THSD4: variants seen among roughly 807,000 people sequenced by gnomAD.
The protein encoded by THSD4 is thrombospondin type-1 domain-containing protein 4.
Under a neutral mutation model 119.0 loss-of-function variants are expected in THSD4, and 69 were observed. The observed-to-expected ratio is 0.58, with a 90% CI of 0.48 to 0.71. THSD4 has a LOEUF of 0.71. THSD4 is among the 30% of genes least tolerant of loss of function. The probability of loss-of-function intolerance (pLI) is 0.00; values close to 1 mark genes in which losing one functional copy is unlikely to be tolerated. For synonymous variants in THSD4, 524 were observed against 540.4 expected, an observed-to-expected ratio of 0.97 and a Z score of 0.42; for missense variants, 1,393 against 1,391.1, an observed-to-expected ratio of 1.00 and a Z score of -0.02.
At chr15:71,732,883 A>G (rs1172737833) in intron 10 of THSD4, 1 of 152,190 alleles carries the variant, frequency 6.6e-6, no homozygotes, top group Non-Finnish European at 1.5e-5. Flanking sequence ...TTTGGACGGG[A>G]TAACCAGGTT....
chr15:71,648,854 T>A (rs1165646951), intron 7 of THSD4, among the ~76,000 whole-genome samples: 1 of 152,338 alleles, frequency 6.6e-6, no homozygotes, highest in Non-Finnish European at 1.5e-5. Flanking sequence ...TCATGCCAGT[T>A]CTGAATTAGG....
chr15:71,350,932 C>G (rs371010027), intron 6 of THSD4, among the ~76,000 whole-genome samples: 2 of 152,178 alleles, frequency 1.3e-5, no homozygotes, highest in African/African-American at 4.8e-5. Flanking sequence ...TTAAGCTGAC[C>G]TGATACATGA....
intron 6 of THSD4, among the ~76,000 whole-genome samples, chr15:71,401,442 T>G (rs1475720234): frequency 6.6e-6 from 1 of 152,218 alleles, no homozygotes; most frequent in African/African-American, 2.4e-5. Flanking sequence ...TAGAGTCAAA[T>G]AGTTCTAAAA....
At chr15:71,630,693 G>A (rs929021002) in intron 7 of THSD4, among the ~76,000 whole-genome samples, 2 of 152,166 alleles carry the variant, frequency 1.3e-5, no homozygotes, top group African/African-American at 4.8e-5. Flanking sequence ...AAAGACTAAG[G>A]CCCTTCCAGG....
intron 6 of THSD4, among the ~76,000 whole-genome samples, chr15:71,292,689 T>C (rs933417045): frequency 6.0e-5 from 9 of 151,012 alleles, no homozygotes; most frequent in Non-Finnish European, 1.2e-4. Context: ...TTTTTTTTTT[T>C]TTTTTGAGAC....
In THSD4 at chr15:71,434,461, T is replaced by TA. The variant is rs1566981215; in HGVS notation, c.1152+22638_1152+22639insA. Reference sequence around the variant, plus strand: ...TTTTTTTTTTTTTTTTTTTTTTTTTTTAATTTCTGAAGGGGTTTAAGGATT... The same window carrying TA: ...TTTTTTTTTTTTTTTTTTTTTTTTTTATAATTTCTGAAGGGGTTTAAGGATT... On this transcript the variant is annotated intron_variant, in intron 7 of 17. Coordinates refer to ENST00000261862, the MANE Select transcript of THSD4 (RefSeq NM_024817.3). Among the ~76,000 whole-genome samples the TA allele has an allele frequency of 2.0e-4, 15 of 74,346 alleles. 1 individual carries two copies. The highest frequency in any genetic ancestry group is 9.6e-4 in the East Asian group (1 of 1,040). 48.8% of individuals were successfully genotyped at this position (74,346 alleles called of 152,430 possible).
rs2047108693 is a variant in THSD4 at position 71,442,350 on chromosome 15, C to T, written c.1152+30527C>T. Among the ~76,000 whole-genome samples the T allele has an allele frequency of 2.0e-5, 3 of 151,496 alleles. No individual in the cohort carries two copies. The South Asian group carries it at 6.3e-4, about 32-fold the overall frequency. ...TTGGGAGGCCAAGCCAGGCAGATCA[C>T]CTGAGGTCAGGAGTTCAAGACCAGC... is the stretch of plus-strand genomic sequence containing the variant. On this transcript the variant is annotated intron_variant, in intron 7 of 17. Coordinates refer to ENST00000261862, the MANE Select transcript of THSD4 (RefSeq NM_024817.3).
At chr15:71,125,331 C>G (rs1272400407) in intron 1 of THSD4, among the ~76,000 whole-genome samples, 2 of 152,060 alleles carry the variant, frequency 1.3e-5, no homozygotes, top group Admixed American at 6.5e-5. Context: ...ATAGACGGAG[C>G]ACCAAGGCTT....
At chr15:71,359,624 A>G (rs1181982583) in intron 6 of THSD4, among the ~76,000 whole-genome samples, 3 of 152,170 alleles carry the variant, frequency 2.0e-5, no homozygotes. Context: ...CCTGGGCAAC[A>G]TGAGAAAACC....
intron 8 of THSD4, among the ~76,000 whole-genome samples, chr15:71,717,305 G>C (rs1348967539): frequency 6.6e-6 from 1 of 152,214 alleles, no homozygotes; most frequent in African/African-American, 2.4e-5. Flanking sequence ...CTATATGGCA[G>C]TTAGAAAGCA....
intron 6 of THSD4, among the ~76,000 whole-genome samples, chr15:71,287,495 A>G (rs1170952259): frequency 8.5e-5 from 13 of 152,166 alleles, no homozygotes; most frequent in Admixed American, 8.5e-4. Context: ...TTAAATTTAG[A>G]TGTTTTATAT....
intron 7 of THSD4, among the ~76,000 whole-genome samples, chr15:71,463,281 G>A (rs756396655): frequency 8.6e-5 from 13 of 152,006 alleles, no homozygotes; most frequent in South Asian, 6.2e-4. Context: ...TGAGCATTCC[G>A]TCTATCTTTG....
rs1320758273 is a variant in THSD4 at position 71,448,842 on chromosome 15, G to GA, written c.1152+37022dup. Among the ~76,000 whole-genome samples the GA allele has an allele frequency of 2.6e-5, 4 of 152,344 alleles. No individual in the cohort carries two copies. The East Asian group carries it at 5.8e-4, about 22-fold the overall frequency. ...CACTGATAATATTAACTGCCTGGTA[G>GA]AAACTGACAAATTCTTCAGTCAGGG... is the stretch of plus-strand genomic sequence containing the variant. On this transcript the variant is annotated intron_variant, in intron 7 of 17. Transcript: ENST00000261862.
At chr15:71,338,715 C>T (rs1403737374) in intron 6 of THSD4, among the ~76,000 whole-genome samples, 1 of 152,146 alleles carries the variant, frequency 6.6e-6, no homozygotes, top group Middle Eastern at 3.2e-3. Flanking sequence ...AAGGAAAAGA[C>T]ACCCTTAACT....
intron 7 of THSD4, among the ~76,000 whole-genome samples, chr15:71,658,580 T>A (rs2051236173): frequency 6.6e-6 from 1 of 152,208 alleles, no homozygotes; most frequent in Non-Finnish European, 1.5e-5. Flanking sequence ...TCAAAACCCC[T>A]GTTGATGGTG....
At chr15:71,108,080 A>G (rs2141342336) in intron 1 of THSD4, among the ~76,000 whole-genome samples, 1 of 152,300 alleles carries the variant, frequency 6.6e-6, no homozygotes, top group Non-Finnish European at 1.5e-5. Flanking sequence ...TTCCACCTCC[A>G]TGTGGCCTGC....
chr15:71,149,916 G>C (rs779057303), intron 2 of THSD4, among the ~76,000 whole-genome samples: 2 of 152,084 alleles, frequency 1.3e-5, no homozygotes, highest in Non-Finnish European at 2.9e-5. Flanking sequence ...AAATTTCAAT[G>C]AGCATTATTT....
intron 8 of THSD4, among the ~76,000 whole-genome samples, chr15:71,713,223 A>G (rs2052548642): frequency 6.6e-6 from 1 of 152,184 alleles, no homozygotes; most frequent in Admixed American, 6.5e-5. Context: ...CAGGACAGCT[A>G]CCACAGTGTC....
chr15:71,661,393 A>AT (rs1406520557), intron 8 of THSD4, among the ~76,000 whole-genome samples: 12 of 146,390 alleles, frequency 8.2e-5, no homozygotes, highest in Admixed American at 2.0e-4. Flanking sequence ...CACATTATTT[A>AT]TTTATTTATT....
Sources: gnomAD v4.1 joint callset for allele counts (sites outside exome capture counted in the v4.1 genomes callset) on GRCh38, gnomAD v4.1.1 for gene constraint, MANE v1.5 for transcripts, NCBI Gene and HGNC (gene_info 2026-07-23, HGNC 2026-07-21) for gene names.